SLC2A12: variants seen among roughly 807,000 people sequenced by gnomAD.
SLC2A12 encodes solute carrier family 2 member 12.
Under a neutral mutation model 41.8 loss-of-function variants are expected in SLC2A12, and 23 were observed. That is an observed-to-expected ratio of 0.55 (90% CI 0.40 to 0.78). SLC2A12 has a LOEUF of 0.78. Ranked by LOEUF, SLC2A12 falls within the 30% of genes least tolerant of loss-of-function variation. The pLI is 0.00. For synonymous variants in SLC2A12, 295 were observed against 285.9 expected (o/e 1.03, Z -0.32); for missense variants, 654 against 745.6 (o/e 0.88, Z 1.43).
intron 4 of SLC2A12, among the ~76,000 whole-genome samples, chr6:133,993,285 G>A (rs767949049): frequency 1.1e-4 from 17 of 152,062 alleles, no homozygotes; most frequent in Non-Finnish European, 1.9e-4. Context: ...TCAGACTTAC[G>A]TATCCAACTG....
intron 4 of SLC2A12, among the ~76,000 whole-genome samples, chr6:133,992,959 G>A (rs1446171547): frequency 2.0e-5 from 3 of 152,080 alleles, no homozygotes; most frequent in African/African-American, 7.2e-5. Flanking sequence ...CTTCCATTTT[G>A]TCCTCCAACC....
At chr6:134,000,670 T>A (rs1343816884) in intron 4 of SLC2A12, among the ~76,000 whole-genome samples, 1 of 152,160 alleles carries the variant, frequency 6.6e-6, no homozygotes, top group African/African-American at 2.4e-5. Flanking sequence ...ATGTCTCACC[T>A]CTTCCCCCAG....
rs767142898 is a variant in SLC2A12 at position 134,029,678 on chromosome 6, G to A, written c.147C>T (p.Val49=). ...GTTCATAACCCACCAGGAGGCCACT[G>A]ACAGCAGCAGTGACAGATGACAGGA... is the stretch of plus-strand genomic sequence containing the variant. The part of the protein sequence containing the change: ...FTFLSSVTAA[V]SGLLVGYELG... Residue 49 remains valine (V), a synonymous_variant, in exon 2 of 5, where the codon GTC becomes GTT. Coordinates refer to ENST00000275230, the MANE Select transcript of SLC2A12 (RefSeq NM_145176.3). 1.2e-6 allele frequency: 2 copies of A among 1,609,710 alleles called. No individual in the cohort carries two copies. The highest frequency in any genetic ancestry group is 1.7e-5 in the Admixed American group (1 of 59,968).
chr6:134,051,375 C>T (rs1434138599), intron 1 of SLC2A12, among the ~76,000 whole-genome samples: 3 of 152,156 alleles, frequency 2.0e-5, no homozygotes, highest in African/African-American at 4.8e-5. Flanking sequence ...ACAAGGCAAA[C>T]GTCAGTATTA....
rs57954517 is a variant in SLC2A12 at position 134,040,069 on chromosome 6, T to G, written c.104-10348A>C. ...GGTTGTTGTTTTTTGTTTTTTTTTT[T>G]TTGTTTTTTGTTTTTTGTTTTTTTT... On this transcript the variant is annotated intron_variant, in intron 1 of 4. Coordinates refer to ENST00000275230, the MANE Select transcript of SLC2A12 (RefSeq NM_145176.3). Among the ~76,000 whole-genome samples, 299 of 150,134 alleles carry G rather than the reference T, an allele frequency of 2.0e-3. 1 individual carries two copies. Among genetic ancestry groups the G allele is most frequent in the Middle Eastern group, 0.014 (4 of 288 alleles).
At position 134,038,956 on chromosome 6, in the gene SLC2A12, C is replaced by T. The variant is rs976544504; in HGVS notation, c.104-9235G>A. Among the ~76,000 whole-genome samples, 14 of 150,698 alleles carry T rather than the reference C, an allele frequency of 9.3e-5. No individual in the cohort carries two copies. In the East Asian group the frequency reaches 9.9e-4, roughly 11 times the overall value. On this transcript the variant is annotated intron_variant, in intron 1 of 4. Coordinates refer to ENST00000275230, the MANE Select transcript of SLC2A12 (RefSeq NM_145176.3). ...CTGACCTCTGGTGATCCACCCACCT[C>T]GGCCTCCCAAAGTGCTGGGATTACA...
rs1776583149 is a variant in SLC2A12 at position 133,989,162 on chromosome 6, T to C, written c.*1993A>G. 6.6e-6 allele frequency: 1 copy of C among 152,210 alleles called. No individual in the cohort carries two copies. Among genetic ancestry groups the C allele is most frequent in the African/African-American group, 2.4e-5 (1 of 41,456 alleles). The allele number at this position is 152,210 out of a possible 1,614,324, so 9.4% of individuals were successfully genotyped here. ...GGGAAGAAGTGAGTGCTCTGATGTC[T>C]TCTGCTGGCTCTCCATAAGTACTGT... is the stretch of plus-strand genomic sequence containing the variant. On this transcript the variant is annotated 3_prime_UTR_variant, in exon 5 of 5. Coordinates refer to ENST00000275230, the MANE Select transcript of SLC2A12 (RefSeq NM_145176.3).
intron 2 of SLC2A12, among the ~76,000 whole-genome samples, chr6:134,010,512 C>T (rs1001091136): frequency 1.3e-5 from 2 of 152,150 alleles, no homozygotes; most frequent in African/African-American, 4.8e-5. Flanking sequence ...TCAATCCCAT[C>T]GTTTGAGGAC....
At chr6:133,998,740 C>T (rs1776722932) in intron 4 of SLC2A12, among the ~76,000 whole-genome samples, 1 of 152,154 alleles carries the variant, frequency 6.6e-6, no homozygotes, top group African/African-American at 2.4e-5. Flanking sequence ...TGGGGTTTCG[C>T]CATGTTTTCA....
Position 134,052,551 on chromosome 6 carries a change from C to A in SLC2A12, c.-71G>T. The A allele has an allele frequency of 8.5e-7, 1 of 1,183,276 alleles. No homozygotes were observed. Among genetic ancestry groups the A allele is most frequent in the South Asian group, 1.3e-5 (1 of 79,236 alleles). The allele number at this position is 1,183,276 out of a possible 1,614,324, so 73.3% of individuals were successfully genotyped here. A position where few individuals can be genotyped will look rare whatever the true frequency, so the allele number is the denominator to read the frequency against. ...GACCACCCCCGCTCCCAGGAGTGGT[C>A]ACTTTCCCCATAATAGCATGCTAAA... On this transcript the variant is annotated 5_prime_UTR_variant, in exon 1 of 5. An upstream open reading frame in the 5' UTR loses its in-frame stop. Transcript: ENST00000275230.
At chr6:134,012,308 A>G (rs1212471491) in intron 2 of SLC2A12, among the ~76,000 whole-genome samples, 1 of 152,240 alleles carries the variant, frequency 6.6e-6, no homozygotes, top group Non-Finnish European at 1.5e-5. Flanking sequence ...AAACCAACTG[A>G]AATGATTTTT....
At chr6:133,995,956 G>C (rs1399734585) in intron 4 of SLC2A12, among the ~76,000 whole-genome samples, 1 of 152,160 alleles carries the variant, frequency 6.6e-6, no homozygotes, top group African/African-American at 2.4e-5. Flanking sequence ...TTCCAAGGTT[G>C]GCTCTTTATT....
chr6:133,994,138 G>A (rs775334244), intron 4 of SLC2A12, among the ~76,000 whole-genome samples: 6 of 152,190 alleles, frequency 3.9e-5, no homozygotes, highest in African/African-American at 7.2e-5. Context: ...ATATTTTGAA[G>A]TAAGAGCCAA....
Position 133,993,129 on chromosome 6 carries a change from G to A in SLC2A12, c.1701-1821C>T, listed in dbSNP as rs540528424. ...CCTTTTAACACTCTCTTCTTTGCTC[G>A]GTCTCTAAGTTTGGCACAAAACTGG... On this transcript the variant is annotated intron_variant, in intron 4 of 4. Coordinates refer to ENST00000275230, the MANE Select transcript of SLC2A12 (RefSeq NM_145176.3). Among the ~76,000 whole-genome samples, 11 of 152,034 alleles carry A rather than the reference G, an allele frequency of 7.2e-5. No individual in the cohort carries two copies. The East Asian group carries it at 1.4e-3, about 19-fold the overall frequency.
chr6:134,022,893 A>T (rs1020273127), intron 2 of SLC2A12, among the ~76,000 whole-genome samples: 1 of 152,180 alleles, frequency 6.6e-6, no homozygotes, highest in East Asian at 1.9e-4. Context: ...ATCCCTCAAG[A>T]CGGCAGTATT....
intron 1 of SLC2A12, among the ~76,000 whole-genome samples, chr6:134,033,947 G>T (rs1582621173): frequency 6.6e-6 from 1 of 152,078 alleles, no homozygotes; most frequent in East Asian, 1.9e-4. Context: ...TCTGGACTTA[G>T]ATCATTTGCC....
At chr6:134,033,887 T>C (rs984291335) in intron 1 of SLC2A12, among the ~76,000 whole-genome samples, 1 of 152,094 alleles carries the variant, frequency 6.6e-6, no homozygotes, top group Non-Finnish European at 1.5e-5. Flanking sequence ...CTTCTCTGTC[T>C]GGAGGAAAGA....
At chr6:134,047,774 C>T (rs1777479483) in intron 1 of SLC2A12, among the ~76,000 whole-genome samples, 1 of 152,254 alleles carries the variant, frequency 6.6e-6, no homozygotes, top group Admixed American at 6.5e-5. Flanking sequence ...GAGGCACCGA[C>T]CTATCAGAAT....
At chr6:133,992,402 G>A (rs553110931) in intron 4 of SLC2A12, among the ~76,000 whole-genome samples, 68 of 152,254 alleles carry the variant, frequency 4.5e-4, no homozygotes, top group Admixed American at 1.4e-3. Flanking sequence ...CTGGAGGCTT[G>A]GGAAAAGTAT....
Sources: allele counts gnomAD v4.1 joint callset (sites outside exome capture counted in the v4.1 genomes callset), GRCh38; gene constraint gnomAD v4.1.1; transcripts MANE v1.5; gene names NCBI Gene and HGNC (gene_info 2026-07-23, HGNC 2026-07-21).